TTC39B: variants seen among roughly 807,000 people sequenced by gnomAD.
TTC39B encodes tetratricopeptide repeat domain 39B.
Under a neutral mutation model 96.6 loss-of-function variants are expected in TTC39B, and 92 were observed. That is an observed-to-expected ratio of 0.95 (90% confidence interval 0.80 to 1.13). The LOEUF is 1.13. Among genes scored for constraint, TTC39B ranks in the 50% most tolerant of loss-of-function variants. The pLI is 0.00. For missense variants in TTC39B, 955 were observed against 809.3 expected (o/e 1.18, Z -2.18); for synonymous variants, 367 against 299.4 (o/e 1.23, Z -2.33).
intron 19 of TTC39B, among the ~76,000 whole-genome samples, chr9:15,173,232 C>A (rs1564305798): frequency 6.6e-6 from 1 of 152,128 alleles, no homozygotes; most frequent in Non-Finnish European, 1.5e-5. Context: ...ATATCTATAT[C>A]TAACACATGA....
At chr9:15,271,028 C>A (rs77820848) in intron 1 of TTC39B, among the ~76,000 whole-genome samples, 3,983 of 151,430 alleles carry the variant, frequency 0.026, 174 homozygotes, top group African/African-American at 0.092. Context: ...ATTACTTGCC[C>A]AACATTACAC....
At chr9:15,182,883 C>T (rs963782353) in intron 16 of TTC39B, among the ~76,000 whole-genome samples, 1 of 152,076 alleles carries the variant, frequency 6.6e-6, no homozygotes, top group East Asian at 1.9e-4. Context: ...AAACATGTGA[C>T]GGTCCAGTAA....
chr9:15,262,863 A>T (rs1169498545), intron 2 of TTC39B, among the ~76,000 whole-genome samples: 1 of 152,212 alleles, frequency 6.6e-6, no homozygotes, highest in East Asian at 1.9e-4. Flanking sequence ...GAAACATAAG[A>T]TCAAAATATA....
intron 2 of TTC39B, among the ~76,000 whole-genome samples, chr9:15,251,351 T>A (rs1284050655): frequency 6.6e-6 from 1 of 151,864 alleles, no homozygotes; most frequent in Non-Finnish European, 1.5e-5. Context: ...TCACCTGAGG[T>A]TGGGAACTCG....
chr9:15,234,471 C>T (rs1281887424), intron 2 of TTC39B, among the ~76,000 whole-genome samples: 6 of 150,750 alleles, frequency 4.0e-5, no homozygotes, highest in East Asian at 2.0e-4. Flanking sequence ...TCTGCCCGGC[C>T]GCCCCTGCTG....
intron 18 of TTC39B, among the ~76,000 whole-genome samples, chr9:15,175,394 G>A (rs1817879921): frequency 2.6e-5 from 4 of 151,898 alleles, no homozygotes; most frequent in Non-Finnish European, 4.4e-5. Context: ...CAGCGCATAC[G>A]GATCTTTAAA....
chr9:15,171,174 C>T (rs1817641219), exon 20 of TTC39B: 4 of 152,114 alleles, frequency 2.6e-5, no homozygotes, highest in Admixed American at 2.0e-4. Flanking sequence ...CTAGGTCTTA[C>T]CAACATCTTA....
intron 2 of TTC39B, among the ~76,000 whole-genome samples, chr9:15,261,634 C>G (rs1822949076): frequency 6.6e-6 from 1 of 152,106 alleles, no homozygotes; most frequent in African/African-American, 2.4e-5. Flanking sequence ...CCACTGTCCT[C>G]AGAACTGTTC....
chr9:15,191,706 T>G (rs915187986), intron 9 of TTC39B, among the ~76,000 whole-genome samples: 9 of 152,192 alleles, frequency 5.9e-5, no homozygotes, highest in Admixed American at 2.0e-4. Context: ...GGGAATATCC[T>G]TCCAGTGGGC....
intron 2 of TTC39B, among the ~76,000 whole-genome samples, chr9:15,231,015 G>A (rs1252018492): frequency 6.6e-6 from 1 of 151,556 alleles, no homozygotes; most frequent in Non-Finnish European, 1.5e-5. Flanking sequence ...AAGTTATTGT[G>A]TGGACATGTA....
intron 3 of TTC39B, among the ~76,000 whole-genome samples, chr9:15,225,556 T>C (rs1386902287): frequency 6.6e-6 from 1 of 152,158 alleles, no homozygotes; most frequent in Non-Finnish European, 1.5e-5. Context: ...CAAGTGATCA[T>C]CATTATGGTT....
At chr9:15,251,700 CATAT>C (rs57422881) in intron 2 of TTC39B, among the ~76,000 whole-genome samples, 16,932 of 97,792 alleles carry the variant, frequency 0.17, 1,373 homozygotes, top group East Asian at 0.29. Flanking sequence ...CATACATATA[CATAT>C]ATATATATAT....
At chr9:15,275,539 C>T (rs897797338) in intron 1 of TTC39B, among the ~76,000 whole-genome samples, 1 of 152,132 alleles carries the variant, frequency 6.6e-6, no homozygotes, top group Non-Finnish European at 1.5e-5. Flanking sequence ...ATACGCCAAG[C>T]GCTAGTGAAA....
At chr9:15,294,959 A>G (rs1824318700) in intron 1 of TTC39B, among the ~76,000 whole-genome samples, 1 of 152,230 alleles carries the variant, frequency 6.6e-6, no homozygotes, top group South Asian at 2.1e-4. Flanking sequence ...CCCAGGTTAT[A>G]CATGGAGGAG....
Position 15,208,268 on chromosome 9 carries a change from C to A in TTC39B, c.691+1820G>T, listed in dbSNP as rs565410544. Among the ~76,000 whole-genome samples, 7 of 151,896 alleles carry A rather than the reference C, an allele frequency of 4.6e-5. No individual in the cohort carries two copies. The South Asian group carries it at 1.3e-3, about 27-fold the overall frequency. On this transcript the variant is annotated intron_variant, in intron 6 of 19. Transcript: ENST00000512701. ...TGTAACTCCTGACCTTGTGATCCAC[C>A]CGCCTCGGCCTCCCAAAGTGCTGGG...
chr9:15,177,755 G>A (rs267602187), exon 18 of TTC39B: 2 of 1,613,098 alleles, frequency 1.2e-6, no homozygotes, highest in East Asian at 4.5e-5. Context: ...AAGTTCTTGA[G>A]GCAACATCCT....
intron 8 of TTC39B, among the ~76,000 whole-genome samples, chr9:15,194,471 G>C (rs925604786): frequency 1.3e-5 from 2 of 152,094 alleles, no homozygotes; most frequent in African/African-American, 4.8e-5. Flanking sequence ...GTAAGTCCAT[G>C]TGTGTGCACA....
intron 8 of TTC39B, among the ~76,000 whole-genome samples, chr9:15,197,867 C>T (rs930483134): frequency 2.0e-5 from 3 of 151,888 alleles, no homozygotes; most frequent in Non-Finnish European, 4.4e-5. Flanking sequence ...AAAAACCCAT[C>T]GACTCAGAAT....
chr9:15,251,831 C>T (rs535089382), intron 2 of TTC39B, among the ~76,000 whole-genome samples: 1 of 149,618 alleles, frequency 6.7e-6, no homozygotes, highest in South Asian at 2.1e-4. Context: ...GATTATTTAC[C>T]CAAAAATGTA....
Sources: allele counts gnomAD v4.1 joint callset (sites outside exome capture counted in the v4.1 genomes callset), GRCh38; gene constraint gnomAD v4.1.1; transcripts MANE v1.5; gene names NCBI Gene and HGNC (gene_info 2026-07-23, HGNC 2026-07-21).